DOCK3: variants seen among roughly 807,000 people sequenced by gnomAD.
DOCK3 encodes the protein dedicator of cytokinesis 3.
A neutral mutation model predicts 265.6 loss-of-function variants in DOCK3; 60 were observed. The ratio of observed to expected loss-of-function variants is 0.23; its 90% confidence interval spans 0.18 to 0.28. The LOEUF (loss-of-function observed/expected upper bound fraction) is 0.28. Among genes scored for constraint, DOCK3 ranks in the 10% least tolerant of loss-of-function variants. The pLI is 1.00. For missense variants in DOCK3, 1,981 were observed against 2,594.3 expected (o/e 0.76, Z 5.14); for synonymous variants, 881 against 938.0 (o/e 0.94, Z 1.11).
intron 2 of DOCK3, among the ~76,000 whole-genome samples, chr3:50,796,894 G>A (rs1395857595): frequency 1.3e-5 from 2 of 151,932 alleles, no homozygotes; most frequent in Non-Finnish European, 2.9e-5. Flanking sequence ...TGGGCTGCAT[G>A]CTCTAACTCT....
At chr3:50,970,889 TTTTATATATATATATATATATATA>T (rs1307103286) in intron 5 of DOCK3, among the ~76,000 whole-genome samples, 462 of 42,926 alleles carry the variant, frequency 0.011, 32 homozygotes, top group South Asian at 0.048. Context: ...CTCATCTAAT[TTTTATATATATATATATATATATA>T]TATATATATA....
chr3:51,320,950 T>A (rs1287371067), intron 32 of DOCK3, among the ~76,000 whole-genome samples: 1 of 152,160 alleles, frequency 6.6e-6, no homozygotes, highest in African/African-American at 2.4e-5. Context: ...GAGCAGCGAA[T>A]CTCCCACCAC....
At chr3:51,079,880 T>G (rs560781299) in intron 7 of DOCK3, among the ~76,000 whole-genome samples, 2 of 152,324 alleles carry the variant, frequency 1.3e-5, no homozygotes, top group African/African-American at 4.8e-5. Context: ...TGTGGCAAGA[T>G]CTAACAGAAT....
intron 38 of DOCK3, among the ~76,000 whole-genome samples, chr3:51,343,874 G>A (rs1051894537): frequency 2.0e-5 from 3 of 152,198 alleles, no homozygotes; most frequent in African/African-American, 7.2e-5. Flanking sequence ...GTAGTGAGGT[G>A]GTTCACTTAC....
intron 19 of DOCK3, among the ~76,000 whole-genome samples, chr3:51,233,863 A>G (rs946085406): frequency 6.6e-6 from 1 of 152,310 alleles, no homozygotes; most frequent in South Asian, 2.1e-4. Flanking sequence ...TAATCCATTC[A>G]TCTGCTGATC....
At chr3:51,366,038 A>G (rs1456160151) in intron 49 of DOCK3, among the ~76,000 whole-genome samples, 2 of 152,028 alleles carry the variant, frequency 1.3e-5, no homozygotes, top group African/African-American at 4.8e-5. Flanking sequence ...TTTTCTTTTG[A>G]TTGGAATTGT....
intron 1 of DOCK3, among the ~76,000 whole-genome samples, chr3:50,681,950 T>C (rs1252382309): frequency 6.6e-6 from 1 of 152,242 alleles, no homozygotes; most frequent in Non-Finnish European, 1.5e-5. Context: ...CCCTCACCAC[T>C]TTTTGGGACA....
chr3:51,287,563 T>C (rs2081475773), intron 27 of DOCK3, among the ~76,000 whole-genome samples: 1 of 151,826 alleles, frequency 6.6e-6, no homozygotes, highest in Non-Finnish European at 1.5e-5. Flanking sequence ...TAGTAAAAAT[T>C]AAAATTAAAA....
At chr3:51,355,987 G>A in intron 41 of DOCK3, 102 bp from the exon 42 acceptor site, 3 of 1,469,004 alleles carry the variant, frequency 2.0e-6, no homozygotes, top group East Asian at 4.6e-5. Context: ...TCAGTAAGGA[G>A]CAGGGACTAT....
At chr3:50,946,902 A>G (rs868453058) in intron 5 of DOCK3, among the ~76,000 whole-genome samples, 1 of 152,328 alleles carries the variant, frequency 6.6e-6, no homozygotes. Flanking sequence ...GGATGCAACG[A>G]TGGAAGATGT....
At chr3:50,786,858 C>CGCATCTGAA (rs2042210264) in intron 2 of DOCK3, 2 of 740,268 alleles carry the variant, frequency 2.7e-6, no homozygotes, top group Non-Finnish European at 2.6e-6. Flanking sequence ...TCACAGTTCT[C>CGCATCTGAA]GCATCTGAAG....
At chr3:50,927,496 C>A (rs983745809) in intron 4 of DOCK3, among the ~76,000 whole-genome samples, 4 of 152,120 alleles carry the variant, frequency 2.6e-5, no homozygotes, top group Non-Finnish European at 5.9e-5. Context: ...TTTCTCATTA[C>A]ACATTGTGTG....
intron 27 of DOCK3, among the ~76,000 whole-genome samples, chr3:51,293,430 G>A (rs976689030): frequency 6.6e-6 from 1 of 152,126 alleles, no homozygotes; most frequent in African/African-American, 2.4e-5. Context: ...ACCATATACA[G>A]AAGAATGAAA....
intron 49 of DOCK3, among the ~76,000 whole-genome samples, chr3:51,369,039 C>T (rs1048432847): frequency 2.6e-5 from 4 of 152,208 alleles, no homozygotes; most frequent in African/African-American, 7.2e-5. Context: ...CCCATCTGTA[C>T]GTCACCATTA....
At chr3:51,178,008 C>CA (rs59962649) in intron 12 of DOCK3, among the ~76,000 whole-genome samples, 107,489 of 137,902 alleles carry the variant, frequency 0.78, 42,061 homozygotes, top group Middle Eastern at 0.88. Flanking sequence ...AAAAAACAAA[C>CA]AAAAAAAAAC....
intron 9 of DOCK3, among the ~76,000 whole-genome samples, chr3:51,142,936 G>T (rs1423285534): frequency 6.6e-6 from 1 of 151,918 alleles, no homozygotes; most frequent in Non-Finnish European, 1.5e-5. Flanking sequence ...GCCCGGGCTG[G>T]AGTGCAATGG....
At chr3:51,220,276 T>G (rs923302100) in intron 14 of DOCK3, among the ~76,000 whole-genome samples, 1 of 152,184 alleles carries the variant, frequency 6.6e-6, no homozygotes, top group Non-Finnish European at 1.5e-5. Context: ...GTTCTCATCT[T>G]ACATGATCTT....
chr3:51,176,371 C>T (rs2086951969), intron 12 of DOCK3, among the ~76,000 whole-genome samples: 1 of 151,978 alleles, frequency 6.6e-6, no homozygotes, highest in East Asian at 1.9e-4. Context: ...AATCCTAGCA[C>T]TTTGGGAGGC....
intron 5 of DOCK3, among the ~76,000 whole-genome samples, chr3:50,949,262 AT>A (rs2076527888): frequency 6.6e-6 from 1 of 152,214 alleles, no homozygotes; most frequent in Non-Finnish European, 1.5e-5. Flanking sequence ...TGTTTCATAT[AT>A]CAGGAGTCAC....
Sources: gnomAD v4.1 joint callset for allele counts (sites outside exome capture counted in the v4.1 genomes callset) on GRCh38, gnomAD v4.1.1 for gene constraint, MANE v1.5 for transcripts, NCBI Gene and HGNC (gene_info 2026-07-23, HGNC 2026-07-21) for gene names.